The following DNAH9 variants were observed in gnomAD, a reference collection of about 807,000 sequenced individuals.
DNAH9 encodes DNAH9 variant protein.
A neutral mutation model predicts 471.6 loss-of-function variants in DNAH9; 345 were observed. The ratio of observed to expected loss-of-function variants is 0.73; its 90% confidence interval spans 0.67 to 0.80. DNAH9 has a LOEUF of 0.80. Ranked by LOEUF, DNAH9 falls within the 30% of genes least tolerant of loss-of-function variation. The pLI, the probability that DNAH9 is intolerant of heterozygous loss-of-function variation, is 0.00. For synonymous variants in DNAH9, 2,093 were observed against 2,123.6 expected, an observed-to-expected ratio of 0.99 and a Z score of 0.40; for missense variants, 5,407 against 5,609.2, an observed-to-expected ratio of 0.96 and a Z score of 1.15.
intron 24 of DNAH9, 57 bp from the exon 25 acceptor site, chr17:11,704,146 G>T (rs898290461): frequency 1.1e-5 from 18 of 1,601,936 alleles, no homozygotes; most frequent in Non-Finnish European, 1.5e-5. Context: ...TGTGATGAGT[G>T]GGTTGGTTGG....
rs574808228 is a variant in DNAH9, at chr17:11,850,847, A to T, written c.9508-3156A>T. On this transcript the variant is annotated intron_variant, in intron 49 of 68. Transcript: ENST00000262442. ...CTCTTTCCATCCAATCACTCAACAC[A>T]TATTTTGACAAGCATTTACTACATA... Among the ~76,000 whole-genome samples the T allele has an allele frequency of 5.3e-5, 8 of 152,262 alleles. No individual in the cohort carries two copies. In the South Asian group the frequency reaches 1.7e-3, roughly 32 times the overall value.
intron 27 of DNAH9, 28 bp downstream of exon 27, chr17:11,719,518 T>TG: frequency 6.8e-7 from 1 of 1,479,088 alleles, no homozygotes; most frequent in Middle Eastern, 1.8e-4. Context: ...TTCCTGGGGG[T>TG]GGGGGTGGGG....
At position 11,745,013 on chromosome 17, in the gene DNAH9, A is replaced by C; in HGVS notation, c.6328A>C (p.Asn2110His). Residue 2110 changes from asparagine (N) to histidine (H), a missense_variant, in exon 31 of 69, where the codon AAC becomes CAC. Asn to His is a moderately conservative substitution (Grantham distance 68, BLOSUM62 1). Around this residue, in one of 3 missense-constraint regions of DNAH9, gnomAD observed 4,636 missense variants for 4,900.3 expected, o/e 0.95. Transcript: ENST00000262442. ...ALDVPRRRDP[N>H]FEALVRKAIV... ...GGATGTCCCCCGGAGGAGAGACCCCAACTTCGAAGCTTTGGTTAGGAAGGC... is the reference window on the plus strand; with the variant it reads ...GGATGTCCCCCGGAGGAGAGACCCCCACTTCGAAGCTTTGGTTAGGAAGGC... The C allele has an allele frequency of 6.2e-7, 1 of 1,614,096 alleles. No homozygotes were observed. Among genetic ancestry groups the C allele is most frequent in the Non-Finnish European group, 8.5e-7 (1 of 1,179,968 alleles).
At chr17:11,622,421 C>A (rs567812619) in intron 6 of DNAH9, among the ~76,000 whole-genome samples, 1 of 152,198 alleles carries the variant, frequency 6.6e-6, no homozygotes, top group Non-Finnish European at 1.5e-5. Context: ...ACTCCTCCTG[C>A]ACTCTGTATT....
intron 38 of DNAH9, among the ~76,000 whole-genome samples, chr17:11,772,661 G>A (rs1458753509): frequency 1.3e-5 from 2 of 152,168 alleles, no homozygotes; most frequent in Non-Finnish European, 2.9e-5. Context: ...CACTGTAGCT[G>A]AGCATTCACC....
chr17:11,836,821 C>T (rs1970863087), intron 49 of DNAH9, among the ~76,000 whole-genome samples: 1 of 152,204 alleles, frequency 6.6e-6, no homozygotes, highest in African/African-American at 2.4e-5. Flanking sequence ...TCATTCCTTG[C>T]CAAGAAGACA....
chr17:11,665,078 T>G, intron 15 of DNAH9, 110 bp downstream of exon 15: 2 of 937,968 alleles, frequency 2.1e-6, no homozygotes, highest in South Asian at 3.2e-5. Flanking sequence ...CCCAAAACGT[T>G]GTAGACCTTT....
chr17:11,926,912 A>G (rs1974349860), intron 62 of DNAH9, among the ~76,000 whole-genome samples: 1 of 152,162 alleles, frequency 6.6e-6, no homozygotes, highest in East Asian at 1.9e-4. Context: ...AAACCTCACC[A>G]GCATCTGTTG....
chr17:11,854,427 C>A lies in DNAH9; in HGVS notation c.9932C>A (p.Ala3311Asp), dbSNP rs149935831. Residue 3311 changes from alanine to aspartate, a missense_variant and splice_region_variant, in exon 50 of 69, where the codon GCT becomes GAT. Coordinates refer to ENST00000262442, the MANE Select transcript of DNAH9 (RefSeq NM_001372.4). Reference protein sequence around the residue: ...EKLAAIKAKIAHLNENLAKLT... With the variant: ...EKLAAIKAKIDHLNENLAKLT... ...CTGGCTGCCATCAAAGCCAAGATCG[C>A]TGTGAGTGACCCCAGAGCCCCTCAC... 757 of 1,610,090 alleles carry A rather than the reference C, an allele frequency of 4.7e-4. 9 individuals are homozygous for A. In the South Asian group the frequency reaches 5.3e-3, roughly 11 times the overall value.
At chr17:11,836,738 C>T (rs1970861658) in intron 49 of DNAH9, among the ~76,000 whole-genome samples, 1 of 152,222 alleles carries the variant, frequency 6.6e-6, no homozygotes, top group Non-Finnish European at 1.5e-5. Flanking sequence ...AGATCCATGC[C>T]TTCTGTTTCT....
At chr17:11,765,517 G>T (rs1421513165) in intron 36 of DNAH9, among the ~76,000 whole-genome samples, 2 of 152,338 alleles carry the variant, frequency 1.3e-5, no homozygotes, top group South Asian at 4.1e-4. Flanking sequence ...TCCCTGATGT[G>T]TTCTTTGGTG....
At chr17:11,704,530 T>TCAGTG in intron 25 of DNAH9, 88 bp downstream of exon 25, 1 of 1,383,000 alleles carries the variant, frequency 7.2e-7, no homozygotes, top group Non-Finnish European at 9.9e-7. Context: ...GGCCCCAGGG[T>TCAGTG]CTGTACAGCA....
chr17:11,749,097 T>G (rs1355121278), intron 32 of DNAH9, among the ~76,000 whole-genome samples: 16 of 102,552 alleles, frequency 1.6e-4, no homozygotes, highest in Admixed American at 1.4e-3. Context: ...TTTTTTTTTT[T>G]TTTTTGAGAC....
intron 28 of DNAH9, among the ~76,000 whole-genome samples, chr17:11,729,203 G>A (rs1353518552): frequency 6.6e-6 from 1 of 152,138 alleles, no homozygotes; most frequent in Non-Finnish European, 1.5e-5. Flanking sequence ...TACTGCAGCT[G>A]CACAGGCTCC....
At chr17:11,935,240 G>A (rs917790959) in intron 65 of DNAH9, among the ~76,000 whole-genome samples, 1 of 152,016 alleles carries the variant, frequency 6.6e-6, no homozygotes, top group Admixed American at 6.6e-5. Context: ...GGGATTACAG[G>A]TGTGAGCCAG....
chr17:11,641,386 C>G (rs976970593), intron 10 of DNAH9, among the ~76,000 whole-genome samples: 1 of 152,072 alleles, frequency 6.6e-6, no homozygotes, highest in African/African-American at 2.4e-5. Context: ...TTTTCTCAAA[C>G]TCTGTGCAGA....
At chr17:11,634,171 C>T (rs2073118153) in intron 8 of DNAH9, among the ~76,000 whole-genome samples, 1 of 152,178 alleles carries the variant, frequency 6.6e-6, no homozygotes, top group African/African-American at 2.4e-5. Context: ...TTCTTCTCAG[C>T]TGAGCTTCCA....
chr17:11,792,148 C>G (rs1411888003), intron 41 of DNAH9, among the ~76,000 whole-genome samples: 2 of 152,042 alleles, frequency 1.3e-5, no homozygotes, highest in Admixed American at 6.6e-5. Flanking sequence ...GTGGCGCATG[C>G]CTGCAATCCC....
At chr17:11,757,782 G>T in intron 35 of DNAH9, 90 bp downstream of exon 35, 3 of 1,392,294 alleles carry the variant, frequency 2.2e-6, no homozygotes, top group South Asian at 1.4e-5. Flanking sequence ...GTTCTGTCCT[G>T]TCCCAAAGTC....
Sources: allele counts gnomAD v4.1 joint callset (sites outside exome capture counted in the v4.1 genomes callset), GRCh38; gene constraint gnomAD v4.1.1; regional missense constraint gnomAD v4.1.1; transcripts MANE v1.5; gene names NCBI Gene and HGNC (gene_info 2026-07-23, HGNC 2026-07-21).